KRABD3: variants seen among roughly 807,000 people sequenced by gnomAD.
The protein encoded by KRABD3 is KRAB domain-containing protein 3.
chr7:149,717,988 G>C, the KRABD3 span, among the ~76,000 whole-genome samples: 3 of 152,130 alleles, frequency 2.0e-5, no homozygotes, highest in African/African-American at 7.2e-5. Flanking sequence ...ATTAGAGATG[G>C]GGTTTCACCA....
At chr7:149,715,818 T>C in the KRABD3 span, among the ~76,000 whole-genome samples, 6 of 152,146 alleles carry the variant, frequency 3.9e-5, no homozygotes, top group Non-Finnish European at 5.9e-5. Flanking sequence ...AAATTGGATG[T>C]TGTTGGGCAG....
At chr7:149,719,957 G>A in the KRABD3 span, 10 of 1,512,720 alleles carry the variant, frequency 6.6e-6, no homozygotes, top group East Asian at 7.4e-5. The surrounding 1 kb of genome is among the most constrained non-coding windows in gnomAD (Gnocchi z 5.6). Flanking sequence ...AACTGTGTGC[G>A]AAGCGGAGAC....
chr7:149,733,606 A>G, the KRABD3 span: 176 of 1,596,514 alleles, frequency 1.1e-4, no homozygotes, highest in Non-Finnish European at 1.4e-4. Context: ...CGAGGCCTAA[A>G]CCAAAGATCC....
the KRABD3 span, chr7:149,729,985 C>T: frequency 3.0e-6 from 4 of 1,312,008 alleles, no homozygotes; most frequent in Non-Finnish European, 3.9e-6. Context: ...TCACTTTTGT[C>T]CTCTTTCTCT....
chr7:149,731,278 G>A, the KRABD3 span, among the ~76,000 whole-genome samples: 3 of 152,220 alleles, frequency 2.0e-5, no homozygotes, highest in Non-Finnish European at 2.9e-5. Context: ...GCCCTGGTCT[G>A]TGTAGACCCA....
At chr7:149,719,796 G>T in the KRABD3 span, 7 of 1,275,504 alleles carry the variant, frequency 5.5e-6, no homozygotes, top group Admixed American at 1.7e-4. This position sits in a 1 kb window ranked among gnomAD's most constrained non-coding sequence, Gnocchi z 5.6. Context: ...GATCGTTCAC[G>T]CTGCTGCTAT....
chr7:149,721,941 C>A, the KRABD3 span: 1 of 379,676 alleles, frequency 2.6e-6, no homozygotes, highest in East Asian at 6.5e-5. Context: ...TCTCTGGGGT[C>A]TCATTTTATT....
chr7:149,719,810 A>G, the KRABD3 span: 15 of 1,244,570 alleles, frequency 1.2e-5, no homozygotes, highest in African/African-American at 7.7e-5. The surrounding 1 kb of genome is among the most constrained non-coding windows in gnomAD (Gnocchi z 5.6). Context: ...CTGCTATTCT[A>G]TGTCCCGGGA....
At chr7:149,715,349 A>G in the KRABD3 span, 1 of 1,194,900 alleles carries the variant, frequency 8.4e-7, no homozygotes, top group Non-Finnish European at 1.0e-6. Flanking sequence ...CCTCGGAGGC[A>G]GTGAGTAAAT....
the KRABD3 span, chr7:149,720,699 G>A: frequency 7.5e-6 from 7 of 928,772 alleles, no homozygotes; most frequent in Non-Finnish European, 1.1e-5. Flanking sequence ...ATATCTCATG[G>A]GACATGGTGT....
chr7:149,722,112 C>T, the KRABD3 span: 1 of 444,684 alleles, frequency 2.2e-6, no homozygotes, highest in Non-Finnish European at 4.2e-6. Flanking sequence ...GTTCTGTGTG[C>T]CCTGTGTGTG....
At chr7:149,728,302 G>A in the KRABD3 span, among the ~76,000 whole-genome samples, 1 of 152,234 alleles carries the variant, frequency 6.6e-6, no homozygotes, top group Non-Finnish European at 1.5e-5. Flanking sequence ...CCTCATGACA[G>A]CCGCAGGCCA....
the KRABD3 span, chr7:149,729,914 C>T: frequency 5.5e-6 from 7 of 1,269,528 alleles, no homozygotes; most frequent in Admixed American, 1.9e-4. Context: ...GGACTGGAGA[C>T]TTCCAGAAAG....
chr7:149,733,081 C>A, the KRABD3 span: 1 of 1,185,652 alleles, frequency 8.4e-7, no homozygotes, highest in South Asian at 1.5e-5. Context: ...ACCCACCTTC[C>A]TTCCTTTCTG....
chr7:149,731,396 C>T, the KRABD3 span, among the ~76,000 whole-genome samples: 40 of 152,288 alleles, frequency 2.6e-4, no homozygotes, highest in African/African-American at 9.4e-4. Context: ...CTCACTGGGG[C>T]AGGACCCGCA....
the KRABD3 span, among the ~76,000 whole-genome samples, chr7:149,718,549 C>T: frequency 5.7e-5 from 7 of 121,892 alleles, no homozygotes; most frequent in African/African-American, 1.9e-4. Flanking sequence ...GATGGAGTCT[C>T]GCCATATTGC....
chr7:149,722,767 C>A, the KRABD3 span: 1 of 1,589,290 alleles, frequency 6.3e-7, no homozygotes, highest in Non-Finnish European at 8.6e-7. Context: ...CCAGGCCCAC[C>A]TTGCATGTGC....
At chr7:149,725,513 G>A in the KRABD3 span, 3 of 1,582,656 alleles carry the variant, frequency 1.9e-6, no homozygotes, top group Non-Finnish European at 2.6e-6. Flanking sequence ...TGGGCGCGGG[G>A]TGGCATGTCC....
chr7:149,728,457 G>A, the KRABD3 span: 38 of 1,542,824 alleles, frequency 2.5e-5, no homozygotes, highest in African/African-American at 4.2e-4. Flanking sequence ...AGAAGACAGG[G>A]GGCTTCTGCA....
Sources: gnomAD v4.1 joint callset for allele counts (sites outside exome capture counted in the v4.1 genomes callset) on GRCh38, gnomAD v4.1.1 for gene constraint, Gnocchi (gnomAD v3.1) non-coding constraint, MANE v1.5 for transcripts, NCBI Gene and HGNC (gene_info 2026-07-23, HGNC 2026-07-21) for gene names.